PPFIA2: variants seen among roughly 807,000 people sequenced by gnomAD.
PPFIA2 encodes the protein liprin-alpha-2.
A neutral mutation model predicts 175.5 loss-of-function variants in PPFIA2; 46 were observed. That is an observed-to-expected ratio of 0.26 (90% confidence interval 0.21 to 0.34). The LOEUF is 0.34. Among genes scored for constraint, PPFIA2 ranks in the 10% least tolerant of loss-of-function variants. PPFIA2 has a pLI of 1.00. For missense variants in PPFIA2, 1,179 were observed against 1,506.1 expected (o/e 0.78, Z 3.60); for synonymous variants, 568 against 511.4 (o/e 1.11, Z -1.49).
At chr12:81,746,576 A>G (rs1305538066) in intron 3 of PPFIA2, among the ~76,000 whole-genome samples, 1 of 144,330 alleles carries the variant, frequency 6.9e-6, no homozygotes, top group Non-Finnish European at 1.6e-5. Flanking sequence ...GGAAACACAG[A>G]GTCAAGGGAC....
intron 4 of PPFIA2, among the ~76,000 whole-genome samples, chr12:81,653,687 T>G (rs1302212444): frequency 3.3e-5 from 5 of 151,786 alleles, no homozygotes; most frequent in Admixed American, 6.6e-5. Context: ...GGTCACATTC[T>G]GAGGTTCTAG....
At chr12:81,275,289 G>A (rs1038132392) in intron 28 of PPFIA2, among the ~76,000 whole-genome samples, 24 of 152,152 alleles carry the variant, frequency 1.6e-4, no homozygotes, top group Non-Finnish European at 3.1e-4. Context: ...TTCGTGCTTC[G>A]AAGTAATGCA....
chr12:81,458,284 T>C (rs1456563401), intron 4 of PPFIA2, among the ~76,000 whole-genome samples: 1 of 151,980 alleles, frequency 6.6e-6, no homozygotes, highest in African/African-American at 2.4e-5. Context: ...CTGCTAAACA[T>C]GCTATTTTGA....
At position 81,281,331 on chromosome 12, in the gene PPFIA2, T is replaced by C. The variant is rs764364931; in HGVS notation, c.3138A>G (p.Val1046=). The change falls in exon 27 of 33, where the codon GTA becomes GTG. Residue 1046 remains valine, a synonymous_variant. Transcript: ENST00000549396. ...QYRSYFMECL[V]DARMLDHLTK... is the part of the protein sequence containing the mutation. ...TTAGGTGATCTAACATTCTTGCATCTACCAAGCATTCCATAAAGTAACTTC... is the reference window on the plus strand; with the variant it reads ...TTAGGTGATCTAACATTCTTGCATCCACCAAGCATTCCATAAAGTAACTTC... 7.4e-6 allele frequency: 12 copies of C among 1,611,814 alleles called. No homozygotes were observed. Among genetic ancestry groups the C allele is most frequent in the South Asian group, 2.2e-5 (2 of 90,954 alleles).
intron 22 of PPFIA2, among the ~76,000 whole-genome samples, chr12:81,320,167 G>A (rs943393724): frequency 2.6e-5 from 4 of 151,936 alleles, no homozygotes; most frequent in African/African-American, 9.7e-5. Context: ...TTTGCTTACA[G>A]ATATGTACAC....
At chr12:81,452,034 T>C (rs952452900) in intron 5 of PPFIA2, among the ~76,000 whole-genome samples, 4 of 152,094 alleles carry the variant, frequency 2.6e-5, no homozygotes, top group African/African-American at 9.7e-5. Context: ...ATGAATCCTA[T>C]GTTTGAATTT....
chr12:81,675,424 G>A (rs552855340), intron 4 of PPFIA2: 2 of 152,052 alleles, frequency 1.3e-5, no homozygotes, highest in African/African-American at 4.8e-5. Flanking sequence ...TGCTTTCTTA[G>A]AGGGTATGAC....
intron 4 of PPFIA2, among the ~76,000 whole-genome samples, chr12:81,548,370 A>G (rs1201821145): frequency 2.0e-5 from 3 of 152,170 alleles, no homozygotes; most frequent in Non-Finnish European, 2.9e-5. Context: ...GTTTTAATTA[A>G]TATTTCAAAA....
chr12:81,675,454 T>G (rs984101329), intron 4 of PPFIA2: 1 of 152,046 alleles, frequency 6.6e-6, no homozygotes, highest in Admixed American at 6.6e-5. Context: ...TATTTTAACA[T>G]GTAAATAATG....
chr12:81,315,656 G>T (rs902544460), intron 22 of PPFIA2, among the ~76,000 whole-genome samples: 1 of 151,746 alleles, frequency 6.6e-6, no homozygotes, highest in Admixed American at 6.6e-5. Context: ...CTGACTTGGG[G>T]TAATGAACAA....
chr12:81,543,189 A>T (rs949425786), intron 4 of PPFIA2, among the ~76,000 whole-genome samples: 1 of 152,116 alleles, frequency 6.6e-6, no homozygotes, highest in African/African-American at 2.4e-5. Flanking sequence ...GAAGTTAAAG[A>T]TCCACGGAGA....
At chr12:81,448,973 T>G (rs953233301) in intron 5 of PPFIA2, among the ~76,000 whole-genome samples, 1 of 152,176 alleles carries the variant, frequency 6.6e-6, no homozygotes, top group African/African-American at 2.4e-5. Flanking sequence ...ATTAGAGTCA[T>G]AGTACTATGG....
intron 4 of PPFIA2, among the ~76,000 whole-genome samples, chr12:81,606,042 C>T (rs2060279490): frequency 6.6e-6 from 1 of 151,942 alleles, no homozygotes; most frequent in Admixed American, 6.6e-5. Context: ...CAATGCTTAG[C>T]TTCCACTTGT....
intron 4 of PPFIA2, among the ~76,000 whole-genome samples, chr12:81,501,665 CTAG>C (rs1422744576): frequency 1.3e-5 from 2 of 152,090 alleles, no homozygotes; most frequent in Non-Finnish European, 2.9e-5. Context: ...CCCAATAATG[CTAG>C]CCAGCTAATA....
intron 4 of PPFIA2, among the ~76,000 whole-genome samples, chr12:81,497,616 T>G (rs1468499788): frequency 6.9e-6 from 1 of 144,852 alleles, no homozygotes; most frequent in Admixed American, 7.2e-5. Context: ...CTCGGCTCAC[T>G]GCCACTGCAG....
intron 7 of PPFIA2, among the ~76,000 whole-genome samples, chr12:81,409,681 G>A (rs1344506167): frequency 6.6e-6 from 1 of 152,002 alleles, no homozygotes; most frequent in Admixed American, 6.6e-5. Flanking sequence ...TTCTGTTATA[G>A]CAACACAAAA....
intron 4 of PPFIA2, among the ~76,000 whole-genome samples, chr12:81,515,013 T>A (rs1000524414): frequency 6.6e-6 from 1 of 152,000 alleles, no homozygotes; most frequent in South Asian, 2.1e-4. Flanking sequence ...CATATACAGC[T>A]AAAATAAATT....
chr12:81,642,862 CAT>C (rs1285160782), intron 4 of PPFIA2, among the ~76,000 whole-genome samples: 16 of 139,784 alleles, frequency 1.1e-4, no homozygotes, highest in South Asian at 4.5e-4. Context: ...ACATGTATTA[CAT>C]ATGTGTTGTA....
At chr12:81,343,709 A>T (rs995822385) in intron 19 of PPFIA2, among the ~76,000 whole-genome samples, 5 of 152,042 alleles carry the variant, frequency 3.3e-5, no homozygotes, top group Non-Finnish European at 7.4e-5. Context: ...ATCTAATAAG[A>T]TGTCATTTTG....
Sources: gnomAD v4.1 joint callset for allele counts (sites outside exome capture counted in the v4.1 genomes callset) on GRCh38, gnomAD v4.1.1 for gene constraint, MANE v1.5 for transcripts, NCBI Gene and HGNC (gene_info 2026-07-23, HGNC 2026-07-21) for gene names.